HLCS: variants seen among roughly 807,000 people sequenced by gnomAD.
The protein encoded by HLCS is biotin--protein ligase.
In HLCS, 53 loss-of-function variants were observed where a neutral mutation model predicts 75.0. That is an observed-to-expected ratio of 0.71 (90% CI 0.57 to 0.89). The LOEUF is 0.89. Among genes scored for constraint, HLCS ranks in the 40% least tolerant of loss-of-function variants. The pLI is 0.00. For missense variants in HLCS, 966 were observed against 1,074.0 expected (o/e 0.90, Z 1.41); for synonymous variants, 431 against 428.6 (o/e 1.01, Z -0.07).
intron 6 of HLCS, among the ~76,000 whole-genome samples, chr21:36,888,374 T>C (rs1376777430): frequency 1.4e-5 from 2 of 146,668 alleles, no homozygotes; most frequent in East Asian, 4.1e-4. Flanking sequence ...ATCGAAATAC[T>C]ATCTTTCTTA....
chr21:36,875,604 C>A (rs2063939643), intron 6 of HLCS, among the ~76,000 whole-genome samples: 1 of 152,200 alleles, frequency 6.6e-6, no homozygotes, highest in Non-Finnish European at 1.5e-5. Context: ...GAGCTGGACA[C>A]TCATCGGGAC....
At chr21:36,975,898 A>G (rs2068924742) in intron 1 of HLCS, among the ~76,000 whole-genome samples, 1 of 152,238 alleles carries the variant, frequency 6.6e-6, no homozygotes, top group Admixed American at 6.5e-5. Flanking sequence ...ATTACTGGAT[A>G]CATTTAATCC....
intron 6 of HLCS, among the ~76,000 whole-genome samples, chr21:36,848,003 C>T (rs572795847): frequency 1.2e-4 from 19 of 152,282 alleles, no homozygotes; most frequent in African/African-American, 4.6e-4. Context: ...GTTAATCAAA[C>T]GGATATACAA....
chr21:36,829,427 G>A (rs2062119808), intron 6 of HLCS, among the ~76,000 whole-genome samples: 1 of 152,094 alleles, frequency 6.6e-6, no homozygotes, highest in African/African-American at 2.4e-5. Flanking sequence ...AATTTTGTGT[G>A]TCATGACATA....
At chr21:36,835,065 A>C (rs550518213) in intron 6 of HLCS, among the ~76,000 whole-genome samples, 2 of 152,272 alleles carry the variant, frequency 1.3e-5, no homozygotes, top group South Asian at 2.1e-4. Flanking sequence ...CATCTCACCC[A>C]TTCCCCAATG....
At chr21:36,812,713 T>A (rs894596220) in intron 6 of HLCS, among the ~76,000 whole-genome samples, 7 of 151,886 alleles carry the variant, frequency 4.6e-5, no homozygotes, top group African/African-American at 1.7e-4. Flanking sequence ...ACAGAAAAAA[T>A]AGAGGAAAAA....
intron 5 of HLCS, among the ~76,000 whole-genome samples, chr21:36,910,328 T>C (rs2065645073): frequency 6.6e-6 from 1 of 152,136 alleles, no homozygotes; most frequent in African/African-American, 2.4e-5. Flanking sequence ...GTGGATCACC[T>C]GAGGTCAGGA....
At chr21:36,954,457 A>T (rs1034962286) in intron 2 of HLCS, among the ~76,000 whole-genome samples, 24 of 151,608 alleles carry the variant, frequency 1.6e-4, no homozygotes, top group African/African-American at 5.1e-4. Flanking sequence ...TACTAAAAAA[A>T]TACAAAAAAT....
At chr21:36,794,232 AT>A in intron 6 of HLCS, among the ~76,000 whole-genome samples, 1 of 152,244 alleles carries the variant, frequency 6.6e-6, no homozygotes, top group Non-Finnish European at 1.5e-5. Flanking sequence ...GGGAGCTGGC[AT>A]TCTAGTATGT....
At position 36,928,158 on chromosome 21, in the gene HLCS, C is replaced by T. The variant is rs148378236; in HGVS notation, c.1620+2093G>A. Among the ~76,000 whole-genome samples the T allele has an allele frequency of 2.2e-4, 34 of 152,254 alleles. 1 individual carries two copies. Among genetic ancestry groups the T allele is most frequent in the Middle Eastern group, 6.8e-3 (2 of 294 alleles). On this transcript the variant is annotated intron_variant, in intron 5 of 10. Transcript: ENST00000674895. ...GACCACCTCAGGCAGTGCATATCCACCTTCAAATTCATTTGCACTATAATC... is the reference window on the plus strand; with the variant it reads ...GACCACCTCAGGCAGTGCATATCCATCTTCAAATTCATTTGCACTATAATC...
chr21:36,771,120 T>C (rs574406318), intron 6 of HLCS, among the ~76,000 whole-genome samples: 8 of 152,064 alleles, frequency 5.3e-5, no homozygotes, highest in African/African-American at 1.9e-4. Flanking sequence ...CTCGGGAGGC[T>C]GAGGCAGGAG....
intron 1 of HLCS, among the ~76,000 whole-genome samples, chr21:36,966,153 G>T (rs2068562973): frequency 6.6e-6 from 1 of 152,216 alleles, no homozygotes; most frequent in African/African-American, 2.4e-5. Context: ...GGCACTGCTG[G>T]CGTCCGGCTG....
At chr21:36,876,916 A>C (rs2064003021) in intron 6 of HLCS, among the ~76,000 whole-genome samples, 1 of 152,150 alleles carries the variant, frequency 6.6e-6, no homozygotes, top group South Asian at 2.1e-4. Flanking sequence ...TGCATCATAT[A>C]CTTTAAAGCT....
intron 6 of HLCS, among the ~76,000 whole-genome samples, chr21:36,798,965 C>T (rs1456799180): frequency 6.6e-6 from 1 of 152,138 alleles, no homozygotes; most frequent in African/African-American, 2.4e-5. Context: ...TATTTTCTCC[C>T]AGTCTGTGGC....
Position 36,817,116 on chromosome 21 carries a change from A to C in HLCS, c.1893-49831T>G, listed in dbSNP as rs1450913764. Among the ~76,000 whole-genome samples the C allele has an allele frequency of 2.0e-5, 3 of 152,268 alleles. No individual in the cohort carries two copies. The East Asian group carries it at 5.8e-4, about 29-fold the overall frequency. On this transcript the variant is annotated intron_variant, in intron 6 of 10. Coordinates refer to ENST00000674895, the MANE Select transcript of HLCS (RefSeq NM_001352514.2). ...AAGATGTAGACTCGATTAGAGTGGA[A>C]GATGGAAGCAGCAGATAACGGATGC... is the stretch of plus-strand genomic sequence containing the variant.
rs528273252 is a variant in HLCS, at chr21:36,778,117, C to T, written c.1893-10832G>A. Among the ~76,000 whole-genome samples, 5 of 151,986 alleles carry T rather than the reference C, an allele frequency of 3.3e-5. No homozygotes were observed. In the East Asian group the frequency reaches 5.8e-4, roughly 18 times the overall value. ...CCAAGTAGCTGGGACTACAGGCGCC[C>T]GCCACCACGCCCGGCTAATTTTTTT... On this transcript the variant is annotated intron_variant, in intron 6 of 10. Coordinates refer to ENST00000674895, the MANE Select transcript of HLCS (RefSeq NM_001352514.2).
At chr21:36,889,056 G>A (rs1053752049) in intron 6 of HLCS, among the ~76,000 whole-genome samples, 9 of 152,152 alleles carry the variant, frequency 5.9e-5, no homozygotes, top group South Asian at 2.1e-4. Flanking sequence ...AGGCATGGAC[G>A]CTGCCTGAGC....
chr21:36,767,370 C>T, intron 6 of HLCS, 85 bp from the exon 7 acceptor site: 2 of 1,332,802 alleles, frequency 1.5e-6, no homozygotes, highest in Non-Finnish European at 2.2e-6. Flanking sequence ...ACAGGGTTTG[C>T]ATGCATCTGG....
intron 3 of HLCS, among the ~76,000 whole-genome samples, chr21:36,938,401 C>G (rs2066991567): frequency 1.3e-5 from 2 of 152,218 alleles, no homozygotes; most frequent in Non-Finnish European, 2.9e-5. Flanking sequence ...TATATTATTA[C>G]AGTAAAATCA....
Sources: gnomAD v4.1 joint callset for allele counts (sites outside exome capture counted in the v4.1 genomes callset) on GRCh38, gnomAD v4.1.1 for gene constraint, MANE v1.5 for transcripts, NCBI Gene and HGNC (gene_info 2026-07-23, HGNC 2026-07-21) for gene names.